Variants in ASTN1 observed in about 807,000 individuals in gnomAD.
The protein encoded by ASTN1 is astrotactin 1.
Under a neutral mutation model 140.7 loss-of-function variants are expected in ASTN1, and 41 were observed. The ratio of observed to expected loss-of-function variants is 0.29; its 90% confidence interval spans 0.23 to 0.38. ASTN1 has a LOEUF of 0.38. Among genes scored for constraint, ASTN1 ranks in the 10% least tolerant of loss-of-function variants. The pLI is 1.00. For missense variants in ASTN1, 1,479 were observed against 1,678.8 expected (o/e 0.88, Z 2.08); for synonymous variants, 640 against 652.2 (o/e 0.98, Z 0.29).
chr1:176,946,167 C>T (rs144691464), intron 12 of ASTN1, 47 bp from the exon 13 acceptor site: 544 of 1,460,186 alleles, frequency 3.7e-4, no homozygotes, highest in Non-Finnish European at 4.7e-4. Flanking sequence ...CATCAATGAC[C>T]CATGCAGGCA....
At position 177,058,547 on chromosome 1, in the gene ASTN1, G is replaced by T. The variant is rs531651219; in HGVS notation, c.471+2531C>A. ...ACTCTTGTTCTTTCTCCATTTCAGT[G>T]TCCACTGTCCACTAATTCTTGCTCA... is the stretch of plus-strand genomic sequence containing the variant. On this transcript the variant is annotated intron_variant, in intron 2 of 22. Transcript: ENST00000361833. Among the ~76,000 whole-genome samples the T allele has an allele frequency of 2.6e-5, 4 of 152,196 alleles. No individual in the cohort carries two copies. The East Asian group carries it at 7.7e-4, about 29-fold the overall frequency.
Position 176,958,338 on chromosome 1 carries a change from G to A in ASTN1, c.1736+7C>T. The A allele has an allele frequency of 6.2e-7, 1 of 1,613,860 alleles. No individual in the cohort carries two copies. Among genetic ancestry groups the A allele is most frequent in the African/African-American group, 1.3e-5 (1 of 75,034 alleles). On this transcript the variant is annotated splice_region_variant and intron_variant, in intron 10 of 22. Coordinates refer to ENST00000361833, the MANE Select transcript of ASTN1 (RefSeq NM_004319.3). ...ATTGCAGGCCTCAGTCCTGAAGCCA[G>A]ACTCACCTGACCTCCACAGCATCCT...
At chr1:176,906,038 C>A (rs1425811948) in intron 16 of ASTN1, among the ~76,000 whole-genome samples, 2 of 152,190 alleles carry the variant, frequency 1.3e-5, no homozygotes, top group Non-Finnish European at 2.9e-5. Context: ...ATTAAAAGAG[C>A]CTGGTGACTA....
At chr1:176,940,686 A>G (rs1671677523) in intron 14 of ASTN1, among the ~76,000 whole-genome samples, 1 of 152,166 alleles carries the variant, frequency 6.6e-6, no homozygotes, top group African/African-American at 2.4e-5. Flanking sequence ...GTCTTTGTTT[A>G]TTTCCATACA....
intron 11 of ASTN1, among the ~76,000 whole-genome samples, chr1:176,953,962 A>G (rs1353339695): frequency 6.6e-6 from 1 of 152,176 alleles, no homozygotes; most frequent in East Asian, 1.9e-4. Flanking sequence ...ATTGCATTAG[A>G]AATCATTTTC....
intron 14 of ASTN1, among the ~76,000 whole-genome samples, chr1:176,942,870 T>TATA (rs1671799671): frequency 3.3e-5 from 2 of 60,028 alleles, no homozygotes; most frequent in East Asian, 7.2e-4. Context: ...ATATATAGAT[T>TATA]GATGTCTCAT....
chr1:176,981,331 T>G (rs975206101), intron 8 of ASTN1: 2 of 152,012 alleles, frequency 1.3e-5, no homozygotes, highest in East Asian at 3.9e-4. Context: ...AGCAGATGAT[T>G]ATTACAGCTG....
chr1:176,953,262 T>C (rs1672267333), intron 11 of ASTN1, among the ~76,000 whole-genome samples: 1 of 152,218 alleles, frequency 6.6e-6, no homozygotes, highest in African/African-American at 2.4e-5. Context: ...GGGTGCTCTG[T>C]TGGGAGATGA....
intron 8 of ASTN1, among the ~76,000 whole-genome samples, chr1:176,978,072 T>C (rs1673442335): frequency 6.6e-6 from 1 of 152,160 alleles, no homozygotes; most frequent in Non-Finnish European, 1.5e-5. Flanking sequence ...AAGGATGCAC[T>C]GAGTCTAGGC....
intron 16 of ASTN1, among the ~76,000 whole-genome samples, chr1:176,920,168 C>T (rs771099517): frequency 1.3e-4 from 20 of 152,258 alleles, no homozygotes; most frequent in East Asian, 3.9e-4. Flanking sequence ...GACTTAAACA[C>T]GCTGATGGGC....
In ASTN1 at chr1:176,864,387, T is replaced by C. The variant is rs1189292982; in HGVS notation, c.3782A>G (p.Tyr1261Cys). ...GCTGAGCTCCGCCCAGTCAAGTCCGTAGGGTTTGATCTCGCTGTAGCGGCA... is the reference window on the plus strand; with the variant it reads ...GCTGAGCTCCGCCCAGTCAAGTCCGCAGGGTTTGATCTCGCTGTAGCGGCA... Reference protein sequence around the residue: ...LGCRYSEIKPYGLDWAELSRD... With the variant: ...LGCRYSEIKPCGLDWAELSRD... Residue 1261 changes from tyrosine to cysteine, a missense_variant, in exon 23 of 23, where the codon TAC (tyrosine) becomes TGC (cysteine). Tyr to Cys is a radical substitution (Grantham distance 194, BLOSUM62 -2). Transcript: ENST00000361833. The C allele has an allele frequency of 6.2e-7, 1 of 1,613,974 alleles. No individual in the cohort carries two copies. Among genetic ancestry groups the C allele is most frequent in the Non-Finnish European group, 8.5e-7 (1 of 1,180,012 alleles).
At chr1:177,088,262 C>T (rs768660898) in intron 1 of ASTN1, among the ~76,000 whole-genome samples, 2 of 152,176 alleles carry the variant, frequency 1.3e-5, no homozygotes, top group Admixed American at 1.3e-4. Context: ...GCGTGCCTGT[C>T]GCCTCGGCTA....
chr1:177,144,888 A>C (rs944780105), intron 1 of ASTN1, among the ~76,000 whole-genome samples: 1 of 152,108 alleles, frequency 6.6e-6, no homozygotes, highest in Admixed American at 6.5e-5. Context: ...AGTCCCTAAA[A>C]CTCATCACCT....
intron 8 of ASTN1, among the ~76,000 whole-genome samples, chr1:176,992,772 C>T (rs1674249547): frequency 6.6e-6 from 1 of 152,176 alleles, no homozygotes; most frequent in East Asian, 1.9e-4. Flanking sequence ...ACCCATCAAT[C>T]ATGTAGCACT....
chr1:177,116,311 A>ATGGG (rs1681088348), intron 1 of ASTN1, among the ~76,000 whole-genome samples: 1 of 152,214 alleles, frequency 6.6e-6, no homozygotes, highest in Non-Finnish European at 1.5e-5. Context: ...GCTGTATTTT[A>ATGGG]CACTATTATA....
intron 22 of ASTN1, among the ~76,000 whole-genome samples, chr1:176,866,221 C>T (rs1668124073): frequency 6.6e-6 from 1 of 152,118 alleles, no homozygotes; most frequent in Non-Finnish European, 1.5e-5. Flanking sequence ...CAGAGATTGC[C>T]ACTGGAGGAA....
At chr1:177,066,258 G>C (rs574840919) in intron 1 of ASTN1, among the ~76,000 whole-genome samples, 1 of 152,260 alleles carries the variant, frequency 6.6e-6, no homozygotes, top group Admixed American at 6.5e-5. Context: ...ACCTCAGGCT[G>C]GTGAGAAGGG....
chr1:177,027,651 A>G (rs1007550592), intron 5 of ASTN1, among the ~76,000 whole-genome samples: 8 of 141,678 alleles, frequency 5.6e-5, no homozygotes, highest in Admixed American at 3.7e-4. Context: ...TTTATGTGCC[A>G]TTTTCCTTTA....
chr1:177,054,939 C>T (rs1032609884), intron 2 of ASTN1, among the ~76,000 whole-genome samples: 1 of 152,182 alleles, frequency 6.6e-6, no homozygotes, highest in African/African-American at 2.4e-5. Context: ...TCAACAACTT[C>T]CCAGTTCCAG....
Sources: gnomAD v4.1 joint callset for allele counts (sites outside exome capture counted in the v4.1 genomes callset) on GRCh38, gnomAD v4.1.1 for gene constraint, MANE v1.5 for transcripts, NCBI Gene and HGNC (gene_info 2026-07-23, HGNC 2026-07-21) for gene names.